Variants in ZNF587 observed in about 807,000 individuals in gnomAD.
The protein encoded by ZNF587 is zinc finger protein zfp6.
A neutral mutation model predicts 7.5 loss-of-function variants in ZNF587; 8 were observed. The ratio of observed to expected loss-of-function variants is 1.06; its 90% CI spans 0.62 to 1.92. ZNF587 has a LOEUF of 1.92. Among genes scored for constraint, ZNF587 ranks in the 40% most tolerant of loss-of-function variants. The pLI, the probability that ZNF587 is intolerant of heterozygous loss-of-function variation, is 0.00. For synonymous variants in ZNF587, 145 were observed against 237.8 expected (o/e 0.61, Z 3.59); for missense variants, 468 against 692.8 (o/e 0.68, Z 3.64).
At chr19:57,854,414 T>C (rs1421434445) in intron 1 of ZNF587, among the ~76,000 whole-genome samples, 8 of 152,144 alleles carry the variant, frequency 5.3e-5, no homozygotes, top group Non-Finnish European at 7.3e-5. Context: ...TATTGGATGC[T>C]ATTTGTATTT....
intron 1 of ZNF587, chr19:57,850,450 A>G (rs2071267583): frequency 2.0e-6 from 1 of 502,654 alleles, no homozygotes; most frequent in Non-Finnish European, 3.5e-6. Flanking sequence ...ATGGATTCAT[A>G]GGGGGTTAAA....
At chr19:57,857,425 T>C in intron 2 of ZNF587, 1 of 152,272 alleles carries the variant, frequency 6.6e-6, no homozygotes. Flanking sequence ...ATTTCTGGAC[T>C]CCACATCTCA....
In ZNF587 at chr19:57,856,121, T is replaced by G. The variant is rs1439259868; in HGVS notation, c.51T>G (p.Phe17Leu). The change falls in exon 2 of 3, where the codon TTT becomes TTG. Residue 17 changes from phenylalanine to leucine, a missense_variant. Around this residue, in one of 5 missense-constraint regions of ZNF587, gnomAD observed 92 missense variants for 89.7 expected, o/e 1.03. Transcript: ENST00000339656. ...TATCATAGCAGGGCACTGTGACCTT[T>G]GAAGATGTGGCTGTGAACTTTTCCC... ...RRPTQQGTVT[F>L]EDVAVNFSQE... 2 of 1,613,216 alleles carry G rather than the reference T, an allele frequency of 1.2e-6. No individual in the cohort carries two copies. The highest frequency in any genetic ancestry group is 1.7e-5 in the Admixed American group (1 of 59,688).
chr19:57,854,885 A>G (rs1320255298), intron 1 of ZNF587, among the ~76,000 whole-genome samples: 3 of 151,902 alleles, frequency 2.0e-5, no homozygotes, highest in Non-Finnish European at 4.4e-5. Flanking sequence ...TACTAAAAAA[A>G]AAAAATACAG....
intron 1 of ZNF587, among the ~76,000 whole-genome samples, chr19:57,852,840 CTT>C (rs35543941): frequency 5.5e-4 from 14 of 25,278 alleles, no homozygotes; most frequent in African/African-American, 2.1e-3. Flanking sequence ...GACAGCTAGG[CTT>C]TTTTTTTTTT....
intron 2 of ZNF587, among the ~76,000 whole-genome samples, chr19:57,857,550 C>A (rs927887656): frequency 6.6e-6 from 1 of 151,722 alleles, no homozygotes; most frequent in African/African-American, 2.4e-5. Flanking sequence ...CTGTGTTGTA[C>A]TCATGTTTTC....
At position 57,850,314 on chromosome 19, in the gene ZNF587, C is replaced by A. The variant is rs146674430; in HGVS notation, c.33+243C>A. ...AAATAGTAATTCACGCAGAGCCGTCCTGCTGTTCGGGAGACAGGAGTTTTA... is the reference window on the plus strand; with the variant it reads ...AAATAGTAATTCACGCAGAGCCGTCATGCTGTTCGGGAGACAGGAGTTTTA... On this transcript the variant is annotated intron_variant, in intron 1 of 2. Coordinates refer to ENST00000339656, the MANE Select transcript of ZNF587 (RefSeq NM_032828.4). 7.0e-5 allele frequency: 46 copies of A among 653,808 alleles called. 1 individual carries two copies. Among genetic ancestry groups the A allele is most frequent in the Middle Eastern group, 4.2e-4 (1 of 2,384 alleles). The allele number at this position is 653,808 out of a possible 1,614,324, so 40.5% of individuals were successfully genotyped here.
At chr19:57,853,566 A>T (rs1178802366) in intron 1 of ZNF587, among the ~76,000 whole-genome samples, 10 of 152,126 alleles carry the variant, frequency 6.6e-5, no homozygotes, top group Non-Finnish European at 1.3e-4. Context: ...AATTGATGTT[A>T]TTGGGCTTCC....
Position 57,864,888 on chromosome 19 carries a change from T to TCGCACTCTAG in ZNF587, c.*4750_*4759dup, listed in dbSNP as rs1441989638. ...GTTGCAATCAGCCGAGATGGTGCCATCGCACTCTAGCCTGGGGAATAGAGT... is the reference window on the plus strand; with the variant it reads ...GTTGCAATCAGCCGAGATGGTGCCATCGCACTCTAGCGCACTCTAGCCTGGGGAATAGAGT... On this transcript the variant is annotated 3_prime_UTR_variant, in exon 3 of 3. Coordinates refer to ENST00000339656, the MANE Select transcript of ZNF587 (RefSeq NM_032828.4). 1.3e-5 allele frequency: 2 copies of TCGCACTCTAG among 152,106 alleles called. No individual in the cohort carries two copies. Among genetic ancestry groups the TCGCACTCTAG allele is most frequent in the Non-Finnish European group, 2.9e-5 (2 of 68,038 alleles). 9.4% of individuals were successfully genotyped at this position (152,106 alleles called of 1,614,324 possible).
chr19:57,850,059 G>T lies in ZNF587; in HGVS notation c.21G>T (p.Arg7Ser). The T allele has an allele frequency of 6.2e-7, 1 of 1,614,260 alleles. No homozygotes were observed. The highest frequency in any genetic ancestry group is 1.3e-5 in the African/African-American group (1 of 75,078). Residue 7 changes from arginine (R) to serine (S), a missense_variant, in exon 1 of 3, where the codon AGG (arginine) becomes AGT (serine). Arg to Ser is a moderately radical substitution (Grantham distance 110, BLOSUM62 -1). Coordinates refer to ENST00000339656, the MANE Select transcript of ZNF587 (RefSeq NM_032828.4). MAAAVP[R>S]RPTQQGTVTF... Reference sequence around the variant, plus strand: ...GTCCGATGGCAGCGGCTGTGCCGAGGCGCCCAACTCAGGTAATTGTGGTGC... The same window carrying T: ...GTCCGATGGCAGCGGCTGTGCCGAGTCGCCCAACTCAGGTAATTGTGGTGC...
chr19:57,861,842 G>A lies in ZNF587; in HGVS notation c.*1702G>A, dbSNP rs1407554080. ...AGCTACAGTGAAGTGGCATGATCTC[G>A]GCCCACTGCAACCTCCACCTCCTGT... On this transcript the variant is annotated 3_prime_UTR_variant, in exon 3 of 3. Coordinates refer to ENST00000339656, the MANE Select transcript of ZNF587 (RefSeq NM_032828.4). The A allele has an allele frequency of 5.0e-5, 7 of 141,152 alleles. No homozygotes were observed. Among genetic ancestry groups the A allele is most frequent in the South Asian group, 2.2e-4 (1 of 4,560 alleles). 8.7% of individuals were successfully genotyped at this position (141,152 alleles called of 1,614,324 possible).
In ZNF587 at chr19:57,859,276, A is replaced by G; in HGVS notation, c.864A>G (p.Arg288=). 10 of 1,569,848 alleles carry G rather than the reference A, an allele frequency of 6.4e-6. No individual in the cohort carries two copies. The highest frequency in any genetic ancestry group is 8.7e-6 in the Non-Finnish European group (10 of 1,151,576). Residue 288 remains arginine (R), a synonymous_variant, in exon 3 of 3, where the codon CGA becomes CGG. Coordinates refer to ENST00000339656, the MANE Select transcript of ZNF587 (RefSeq NM_032828.4). ...AGAGCAGCCTTATTCAACATCAGCG[A>G]GTCCACACTGGACAGACAGCTTATC... is the stretch of plus-strand genomic sequence containing the variant. ...SRKSSLIQHQ[R]VHTGQTAYPC...
At position 57,859,551 on chromosome 19, in the gene ZNF587, A is replaced by G. The variant is rs1313428431; in HGVS notation, c.1139A>G (p.Tyr380Cys). 4.3e-6 allele frequency: 7 copies of G among 1,613,924 alleles called. No individual in the cohort carries two copies. Among genetic ancestry groups the G allele is most frequent in the Non-Finnish European group, 4.2e-6 (5 of 1,180,024 alleles). Residue 380 changes from tyrosine (Y) to cysteine (C), a missense_variant, in exon 3 of 3, where the codon TAC becomes TGC. Physicochemically the swap from Tyr to Cys is radical, Grantham distance 194. Around this residue, in one of 5 missense-constraint regions of ZNF587, gnomAD observed 310 missense variants for 325.6 expected, o/e 0.95. Coordinates refer to ENST00000339656, the MANE Select transcript of ZNF587 (RefSeq NM_032828.4). ...HQRVHTGERP[Y>C]KCGECGKSFG... ...CGTGTTCACACTGGAGAAAGGCCTT[A>G]CAAGTGTGGAGAATGTGGGAAATCT...
chr19:57,855,638 T>A (rs930012585), intron 1 of ZNF587, among the ~76,000 whole-genome samples: 33 of 149,008 alleles, frequency 2.2e-4, no homozygotes, highest in African/African-American at 7.7e-4. Flanking sequence ...CTCGGCTCAC[T>A]ACAAACCCCG....
At position 57,861,381 on chromosome 19, in the gene ZNF587, AGTACCGTG is replaced by A. The variant is rs2071430081; in HGVS notation, c.*1243_*1250del. On this transcript the variant is annotated 3_prime_UTR_variant, in exon 3 of 3. Transcript: ENST00000339656. ...AGTCTCGCTCTGTCTCCCAGGCTAGAGTACCGTGGCACAATCTCAGCTCATTGCAACCT... is the reference window on the plus strand; with the variant it reads ...AGTCTCGCTCTGTCTCCCAGGCTAGAGCACAATCTCAGCTCATTGCAACCT... The A allele has an allele frequency of 6.6e-6, 1 of 152,174 alleles. No homozygotes were observed. 9.4% of individuals were successfully genotyped at this position (152,174 alleles called of 1,614,324 possible).
In ZNF587 at chr19:57,863,794, C is replaced by T. The variant is rs1283831846; in HGVS notation, c.*3654C>T. 2.0e-5 allele frequency: 3 copies of T among 151,744 alleles called. No homozygotes were observed. The highest frequency in any genetic ancestry group is 7.3e-5 in the African/African-American group (3 of 41,364). 9.4% of individuals were successfully genotyped at this position (151,744 alleles called of 1,614,324 possible). The stretch of plus-strand genomic sequence containing the variant: ...GTGTGGTGGCTGAGGCCTGTAATCC[C>T]ACCACTTTGGGAGGCTGAGGTGGGC... On this transcript the variant is annotated 3_prime_UTR_variant, in exon 3 of 3. Coordinates refer to ENST00000339656, the MANE Select transcript of ZNF587 (RefSeq NM_032828.4).
intron 2 of ZNF587, among the ~76,000 whole-genome samples, chr19:57,856,548 CAG>C (rs1474777177): frequency 6.6e-6 from 1 of 151,974 alleles, no homozygotes; most frequent in Non-Finnish European, 1.5e-5. Context: ...GCTGGGACTA[CAG>C]GCGACTACCA....
chr19:57,857,896 A>C (rs549615985), intron 2 of ZNF587, among the ~76,000 whole-genome samples: 2 of 151,852 alleles, frequency 1.3e-5, no homozygotes, highest in Non-Finnish European at 2.9e-5. Flanking sequence ...TCGGCCTTGC[A>C]AAGTGCTGGG....
In ZNF587 at chr19:57,859,565, T is replaced by C. The variant is rs2071409337; in HGVS notation, c.1153T>C (p.Cys385Arg). 1.9e-6 allele frequency: 3 copies of C among 1,614,054 alleles called. No individual in the cohort carries two copies. Among genetic ancestry groups the C allele is most frequent in the Non-Finnish European group, 8.5e-7 (1 of 1,180,016 alleles). The change falls in exon 3 of 3, where the codon TGT becomes CGT. Residue 385 changes from cysteine (C) to arginine (R), a missense_variant. Cys to Arg is a radical substitution (Grantham distance 180, BLOSUM62 -3). Transcript: ENST00000339656. ...TGERPYKCGECGKSFGQKGNL... is the reference protein window; with the variant it reads ...TGERPYKCGERGKSFGQKGNL... Reference sequence around the variant, plus strand: ...AGAAAGGCCTTACAAGTGTGGAGAATGTGGGAAATCTTTTGGTCAAAAGGG... The same window carrying C: ...AGAAAGGCCTTACAAGTGTGGAGAACGTGGGAAATCTTTTGGTCAAAAGGG...
Sources: gnomAD v4.1 joint callset for allele counts (sites outside exome capture counted in the v4.1 genomes callset) on GRCh38, gnomAD v4.1.1 for gene constraint, gnomAD v4.1.1 regional missense constraint, MANE v1.5 for transcripts, NCBI Gene and HGNC (gene_info 2026-07-23, HGNC 2026-07-21) for gene names.